PTPN21: variants seen among roughly 807,000 people sequenced by gnomAD.
The protein encoded by PTPN21 is tyrosine-protein phosphatase non-receptor type 21.
Under a neutral mutation model 131.8 loss-of-function variants are expected in PTPN21, and 77 were observed. The ratio of observed to expected loss-of-function variants is 0.58; its 90% CI spans 0.49 to 0.71. PTPN21 has a LOEUF of 0.71. Among genes scored for constraint, PTPN21 ranks in the 30% least tolerant of loss-of-function variants. The pLI is 0.00. For synonymous variants in PTPN21, 715 were observed against 621.3 expected, an observed-to-expected ratio of 1.15 and a Z score of -2.24; for missense variants, 1,552 against 1,527.1, an observed-to-expected ratio of 1.02 and a Z score of -0.27.
At chr14:88,490,334 A>G (rs1162050171) in intron 10 of PTPN21, among the ~76,000 whole-genome samples, 2 of 151,912 alleles carry the variant, frequency 1.3e-5, no homozygotes, top group Non-Finnish European at 2.9e-5. Context: ...CCAGGGTGAC[A>G]CTGACCTTTA....
At chr14:88,476,448 G>A (rs758770205) in intron 13 of PTPN21, among the ~76,000 whole-genome samples, 1 of 152,130 alleles carries the variant, frequency 6.6e-6, no homozygotes, top group African/African-American at 2.4e-5. Context: ...CTTGTCTGAG[G>A]TCACATGGCT....
At chr14:88,488,388 C>T (rs750938686) in intron 10 of PTPN21, among the ~76,000 whole-genome samples, 13 of 152,242 alleles carry the variant, frequency 8.5e-5, no homozygotes, top group Non-Finnish European at 1.5e-4. Flanking sequence ...AGAAAACAAA[C>T]TACAAAAGCG....
rs778405708 is a variant in PTPN21, at chr14:88,479,480, G to A, written c.1951C>T (p.Arg651Trp). 3 of 1,601,960 alleles carry A rather than the reference G, an allele frequency of 1.9e-6. No homozygotes were observed. The South Asian group carries it at 3.3e-5, about 18-fold the overall frequency. Residue 651 changes from arginine to tryptophan, a missense_variant, in exon 13 of 19, where the codon CGG becomes TGG. By Grantham distance (101) the Arg-to-Trp change is moderately radical. Around this residue, in one of 4 missense-constraint regions of PTPN21, gnomAD observed 1,016 missense variants for 883.5 expected, o/e 1.15. Coordinates refer to ENST00000556564, the MANE Select transcript of PTPN21 (RefSeq NM_007039.4). Reference protein sequence around the residue: ...AGLSHGLEGLRLKERTLSASA... With the variant: ...AGLSHGLEGLWLKERTLSASA... ...GCGGATAGGGTGCGCTCCTTGAGCCGCAGGCCCTCCAGGCCGTGGCTGAGC... is the reference window on the plus strand; with the variant it reads ...GCGGATAGGGTGCGCTCCTTGAGCCACAGGCCCTCCAGGCCGTGGCTGAGC...
At chr14:88,538,948 C>T (rs928086282) in intron 2 of PTPN21, among the ~76,000 whole-genome samples, 17 of 152,146 alleles carry the variant, frequency 1.1e-4, no homozygotes, top group African/African-American at 3.4e-4. Flanking sequence ...TCAAGTAATA[C>T]GAGATCTTCT....
At chr14:88,528,270 C>A (rs781487701) in intron 2 of PTPN21, among the ~76,000 whole-genome samples, 6 of 152,060 alleles carry the variant, frequency 3.9e-5, no homozygotes, top group Non-Finnish European at 8.8e-5. Context: ...CTGATTCTAC[C>A]CATCCCTGAG....
At chr14:88,527,409 A>ATGT (rs1393717480) in intron 2 of PTPN21, among the ~76,000 whole-genome samples, 10 of 152,126 alleles carry the variant, frequency 6.6e-5, no homozygotes, top group Non-Finnish European at 1.3e-4. Context: ...ATAATTAGTG[A>ATGT]TGTTGAACAG....
rs577934060 is a variant in PTPN21 at position 88,519,187 on chromosome 14, A to G, written c.181-1926T>C. On this transcript the variant is annotated intron_variant, in intron 2 of 18. Transcript: ENST00000556564. The stretch of plus-strand genomic sequence containing the variant: ...GGTCAACCTGAAAGGATATTAATGC[A>G]CTTATGAGCTGAAATGACAGCCTCA... 2.6e-5 allele frequency among the ~76,000 whole-genome samples: 4 copies of G among 152,330 alleles called. No individual in the cohort carries two copies. In the South Asian group the frequency reaches 8.3e-4, roughly 32 times the overall value.
intron 2 of PTPN21, among the ~76,000 whole-genome samples, chr14:88,547,114 T>C (rs2078793404): frequency 6.6e-6 from 1 of 152,166 alleles, no homozygotes; most frequent in South Asian, 2.1e-4. Context: ...GCAATTTCTC[T>C]GGACTTATTA....
intron 10 of PTPN21, among the ~76,000 whole-genome samples, chr14:88,486,963 C>T (rs577301797): frequency 2.0e-3 from 267 of 131,934 alleles, no homozygotes; most frequent in Non-Finnish European, 3.5e-3. Flanking sequence ...GCAACAAGAG[C>T]GAGATTCTAG....
chr14:88,497,221 C>A lies in PTPN21; in HGVS notation c.834G>T (p.Glu278Asp), dbSNP rs1203617962. 6.2e-7 allele frequency: 1 copy of A among 1,609,914 alleles called. No homozygotes were observed. Among genetic ancestry groups the A allele is most frequent in the South Asian group, 1.1e-5 (1 of 90,950 alleles). The change falls in exon 9 of 19, where the codon GAG (glutamate) becomes GAT (aspartate). Residue 278 changes from glutamate (E) to aspartate (D), a missense_variant. Coordinates refer to ENST00000556564, the MANE Select transcript of PTPN21 (RefSeq NM_007039.4). ...TACTCACAGTTTGAAATTGAATGGT[C>A]TCCTCTTTATTTGCCAGCTCTAATG... is the stretch of plus-strand genomic sequence containing the variant. ...FFALELANKE[E>D]TIQFQTEDME...
chr14:88,523,073 G>A (rs1171720490), intron 2 of PTPN21, among the ~76,000 whole-genome samples: 1 of 151,910 alleles, frequency 6.6e-6, no homozygotes, highest in African/African-American at 2.4e-5. Context: ...CAAGGAAAAG[G>A]AGAGAATACT....
rs764131918 is a variant in PTPN21, at chr14:88,469,038, TTGTA to T, written c.3270_3273del (p.His1090GlnfsTer22). 1.9e-6 allele frequency: 3 copies of T among 1,613,994 alleles called. No individual in the cohort carries two copies. In the South Asian group the frequency reaches 3.3e-5, roughly 18 times the overall value. The stretch of plus-strand genomic sequence containing the variant: ...GGGCTTTGGGGATCACTTGTGCTAT[TTGTA>T]TGGCGTCGAACAGACTGGATCTCTT... On this transcript the variant is annotated frameshift_variant, in exon 18 of 19. Transcript: ENST00000556564. LOFTEE classifies it high-confidence loss of function. This position sits in a 1 kb window ranked among gnomAD's most constrained non-coding sequence, Gnocchi z 4.3.
At chr14:88,548,636 T>A (rs758101492) in intron 2 of PTPN21, among the ~76,000 whole-genome samples, 13 of 152,186 alleles carry the variant, frequency 8.5e-5, no homozygotes, top group African/African-American at 1.2e-4. Context: ...TCTTCAGTAC[T>A]GAGTGATCAT....
intron 2 of PTPN21, among the ~76,000 whole-genome samples, chr14:88,535,026 T>C (rs559940039): frequency 4.6e-5 from 7 of 152,310 alleles, no homozygotes; most frequent in Non-Finnish European, 7.4e-5. Flanking sequence ...GCAAGCGCCA[T>C]TCACGGTAAG....
In PTPN21 at chr14:88,476,552, T is replaced by C. The variant is rs577066689; in HGVS notation, c.2511+2368A>G. ...GAATCATGTAATTCAGGAGGCATTT[T>C]TTCATGCCTAACTGCATGTGGGACA... On this transcript the variant is annotated intron_variant, in intron 13 of 18. Coordinates refer to ENST00000556564, the MANE Select transcript of PTPN21 (RefSeq NM_007039.4). 3.3e-4 allele frequency among the ~76,000 whole-genome samples: 50 copies of C among 152,202 alleles called. 1 individual carries two copies. Among genetic ancestry groups the C allele is most frequent in the Non-Finnish European group, 5.0e-4 (34 of 68,030 alleles).
chr14:88,472,210 A>C (rs891793207), intron 15 of PTPN21, 34 bp downstream of exon 15: 1 of 1,150,824 alleles, frequency 8.7e-7, no homozygotes, highest in Non-Finnish European at 1.3e-6. Flanking sequence ...CTGAAACTGC[A>C]TGTGCTGTTG....
chr14:88,531,449 C>T (rs1278613378), intron 2 of PTPN21, among the ~76,000 whole-genome samples: 4 of 151,892 alleles, frequency 2.6e-5, no homozygotes, highest in East Asian at 1.9e-4. Context: ...CCCAGCTACT[C>T]GGGAGGTTGA....
At position 88,467,260 on chromosome 14, in the gene PTPN21, C is replaced by A. The variant is rs937472829; in HGVS notation, c.*877G>T. The A allele has an allele frequency of 6.6e-6, 1 of 152,216 alleles. No homozygotes were observed. The highest frequency in any genetic ancestry group is 1.5e-5 in the Non-Finnish European group (1 of 68,030). 9.4% of individuals were successfully genotyped at this position (152,216 alleles called of 1,614,324 possible). On this transcript the variant is annotated 3_prime_UTR_variant, in exon 19 of 19. Transcript: ENST00000556564. ...CTACAAAGCAACACATATATTAAAACTCAGATTTGTTTTTAACAAAAAAGT... is the reference window on the plus strand; with the variant it reads ...CTACAAAGCAACACATATATTAAAAATCAGATTTGTTTTTAACAAAAAAGT...
chr14:88,549,607 A>G (rs1253487457), intron 2 of PTPN21, among the ~76,000 whole-genome samples: 1 of 151,540 alleles, frequency 6.6e-6, no homozygotes, highest in African/African-American at 2.4e-5. Flanking sequence ...TTTTTTATTT[A>G]TTTTTAATTT....
Sources: allele counts gnomAD v4.1 joint callset (sites outside exome capture counted in the v4.1 genomes callset), GRCh38; gene constraint gnomAD v4.1.1; regional missense constraint gnomAD v4.1.1; non-coding constraint Gnocchi (gnomAD v3.1); transcripts MANE v1.5; gene names NCBI Gene and HGNC (gene_info 2026-07-23, HGNC 2026-07-21).